Variants in DAPK1 observed in about 807,000 individuals in gnomAD.
DAPK1 encodes the protein death associated protein kinase 1, also known as death-associated protein kinase 1.
DAPK1 carries 56 observed loss-of-function variants against 144.9 expected under a neutral mutation model. The ratio of observed to expected loss-of-function variants is 0.39; its 90% confidence interval spans 0.31 to 0.48. The LOEUF (loss-of-function observed/expected upper bound fraction) is 0.48. DAPK1 is among the 20% of genes least tolerant of loss of function. DAPK1 has a pLI of 0.95. For missense variants in DAPK1, 1,454 were observed against 1,875.4 expected (o/e 0.78, Z 4.15); for synonymous variants, 690 against 749.0 (o/e 0.92, Z 1.29).
rs755453623 is a variant in DAPK1 at position 87,653,381 on chromosome 9, G to A, written c.1824+1657G>A. On this transcript the variant is annotated intron_variant, in intron 17 of 25. Coordinates refer to ENST00000408954, the MANE Select transcript of DAPK1 (RefSeq NM_004938.4). The stretch of plus-strand genomic sequence containing the variant: ...ATATGGACATGTACTTTTTTATAGC[G>A]TTTTGCCATCTTAAGTTGCATTTTA... Among the ~76,000 whole-genome samples the A allele has an allele frequency of 1.4e-4, 22 of 152,298 alleles. No individual in the cohort carries two copies. In the South Asian group the frequency reaches 1.4e-3, roughly 10 times the overall value.
intron 2 of DAPK1, among the ~76,000 whole-genome samples, chr9:87,563,440 G>C (rs1827004081): frequency 6.6e-6 from 1 of 152,206 alleles, no homozygotes; most frequent in Non-Finnish European, 1.5e-5. Context: ...TAGTGTTCAT[G>C]GTCTCAGAGA....
At chr9:87,681,684 C>T in intron 20 of DAPK1, 58 bp downstream of exon 20, 1 of 867,686 alleles carries the variant, frequency 1.2e-6, no homozygotes. Flanking sequence ...CGCACTCTCT[C>T]CTTTCAAGGT....
intron 2 of DAPK1, among the ~76,000 whole-genome samples, chr9:87,560,836 T>C (rs770310954): frequency 1.3e-5 from 2 of 151,952 alleles, no homozygotes; most frequent in Non-Finnish European, 2.9e-5. Context: ...CGGCTAACTT[T>C]TGTATTTTTA....
intron 18 of DAPK1, among the ~76,000 whole-genome samples, chr9:87,659,261 C>A (rs1414114093): frequency 6.6e-6 from 1 of 152,128 alleles, no homozygotes; most frequent in East Asian, 1.9e-4. Context: ...TCTGCAGGCC[C>A]AGTTATTACC....
At chr9:87,623,384 T>G (rs970455019) in intron 3 of DAPK1, among the ~76,000 whole-genome samples, 1 of 152,182 alleles carries the variant, frequency 6.6e-6, no homozygotes, top group Non-Finnish European at 1.5e-5. Context: ...GAAGACCACA[T>G]TTTTGAGGCT....
chr9:87,673,746 T>C (rs530268892), intron 19 of DAPK1, among the ~76,000 whole-genome samples: 1 of 152,290 alleles, frequency 6.6e-6, no homozygotes, highest in South Asian at 2.1e-4. Flanking sequence ...CATGGGAGTC[T>C]TGAAATCAGC....
intron 2 of DAPK1, chr9:87,525,497 A>C (rs1024676324): frequency 1.5e-6 from 2 of 1,355,156 alleles, no homozygotes; most frequent in Middle Eastern, 2.5e-4. Flanking sequence ...TCAAAGGATT[A>C]TCCAAGGCAT....
At chr9:87,585,647 G>A (rs1210240841) in intron 2 of DAPK1, among the ~76,000 whole-genome samples, 1 of 152,196 alleles carries the variant, frequency 6.6e-6, no homozygotes, top group Non-Finnish European at 1.5e-5. Context: ...TCATCTGAGT[G>A]ACTTCACAAC....
intron 2 of DAPK1, among the ~76,000 whole-genome samples, chr9:87,597,251 T>C (rs932649876): frequency 6.6e-6 from 1 of 152,170 alleles, no homozygotes; most frequent in African/African-American, 2.4e-5. Context: ...GAAAGACAGC[T>C]GAATCCATCT....
chr9:87,652,302 CTGA>C, intron 17 of DAPK1, among the ~76,000 whole-genome samples: 1 of 138,318 alleles, frequency 7.2e-6, no homozygotes, highest in Admixed American at 7.0e-5. Context: ...GTCCTCCCAC[CTGA>C]TCCCAGGTCC....
chr9:87,581,621 T>C (rs1399881800), intron 2 of DAPK1, among the ~76,000 whole-genome samples: 1 of 152,112 alleles, frequency 6.6e-6, no homozygotes, highest in African/African-American at 2.4e-5. Flanking sequence ...ATCTGATTCT[T>C]CCCCCCTAAC....
intron 21 of DAPK1, among the ~76,000 whole-genome samples, chr9:87,690,503 AT>A (rs199638053): frequency 0.011 from 1,646 of 152,002 alleles, 10 homozygotes; most frequent in Non-Finnish European, 0.017. Context: ...TATGCTTTTT[AT>A]TTCTTTCCCT....
intron 2 of DAPK1, among the ~76,000 whole-genome samples, chr9:87,596,023 T>G (rs1564013693): frequency 1.3e-5 from 2 of 152,200 alleles, no homozygotes; most frequent in Admixed American, 1.3e-4. Context: ...TAAAAAGTAT[T>G]GCTTTCCTCT....
chr9:87,537,932 G>A (rs1825915806), intron 2 of DAPK1, among the ~76,000 whole-genome samples: 1 of 152,200 alleles, frequency 6.6e-6, no homozygotes, highest in African/African-American at 2.4e-5. Context: ...TACAAAAGTA[G>A]TGGCTGCCAG....
chr9:87,511,754 G>A (rs1179201796), intron 2 of DAPK1, among the ~76,000 whole-genome samples: 3 of 148,442 alleles, frequency 2.0e-5, no homozygotes, highest in African/African-American at 2.5e-5. Context: ...TCTGTCACCC[G>A]GCCTGGAGTG....
intron 2 of DAPK1, among the ~76,000 whole-genome samples, chr9:87,604,381 G>A (rs1828639252): frequency 6.6e-6 from 1 of 152,142 alleles, no homozygotes; most frequent in African/African-American, 2.4e-5. Context: ...CCTTGAGACG[G>A]GAGGAGAGGG....
chr9:87,517,145 G>A (rs1414122632), intron 2 of DAPK1, among the ~76,000 whole-genome samples: 5 of 151,986 alleles, frequency 3.3e-5, no homozygotes, highest in African/African-American at 9.7e-5. Context: ...GAATGCGATT[G>A]GGGGCAGGGG....
In DAPK1 at chr9:87,686,942, A is replaced by G; in HGVS notation, c.2413+203A>G. 5.2e-6 allele frequency: 4 copies of G among 772,872 alleles called. No homozygotes were observed. The highest frequency in any genetic ancestry group is 6.3e-6 in the Non-Finnish European group (4 of 635,840). The allele number at this position is 772,872 out of a possible 1,614,324, so 47.9% of individuals were successfully genotyped here. A position where few individuals can be genotyped will look rare whatever the true frequency, so the allele number is the denominator to read the frequency against. Reference sequence around the variant, plus strand: ...TGAAATTAAACACTGGGGTATTGTCAGCGCCTAGTAAAGCACTTGGCATAC... The same window carrying G: ...TGAAATTAAACACTGGGGTATTGTCGGCGCCTAGTAAAGCACTTGGCATAC... On this transcript the variant is annotated intron_variant, in intron 21 of 25. Transcript: ENST00000408954. The surrounding 1 kb of genome is among the most constrained non-coding windows in gnomAD (Gnocchi z 4.2).
chr9:87,640,681 C>T (rs1830065094), intron 8 of DAPK1, 121 bp from the exon 9 acceptor site: 1 of 1,182,524 alleles, frequency 8.5e-7, no homozygotes, highest in Non-Finnish European at 1.3e-6. Flanking sequence ...TTGTTTTTGG[C>T]TTTCTTCCCT....
Sources: allele counts gnomAD v4.1 joint callset (sites outside exome capture counted in the v4.1 genomes callset), GRCh38; gene constraint gnomAD v4.1.1; non-coding constraint Gnocchi (gnomAD v3.1); transcripts MANE v1.5; gene names NCBI Gene and HGNC (gene_info 2026-07-23, HGNC 2026-07-21).